The following MACROD2 variants were observed in gnomAD, a reference collection of about 807,000 sequenced individuals.
MACROD2 encodes the protein ADP-ribose glycohydrolase MACROD2.
In MACROD2, 36 loss-of-function variants were observed where a neutral mutation model predicts 70.4. The observed-to-expected ratio is 0.51, with a 90% CI of 0.39 to 0.68. MACROD2 has a LOEUF of 0.68. Ranked by LOEUF, MACROD2 falls within the 30% of genes least tolerant of loss-of-function variation. The probability of loss-of-function intolerance (pLI) is 0.00; values close to 1 mark genes in which losing one functional copy is unlikely to be tolerated. For missense variants in MACROD2, 496 were observed against 538.4 expected, an observed-to-expected ratio of 0.92 and a Z score of 0.78; for synonymous variants, 172 against 178.8, an observed-to-expected ratio of 0.96 and a Z score of 0.30.
intron 5 of MACROD2, among the ~76,000 whole-genome samples, chr20:14,947,114 G>C (rs1434258372): frequency 6.6e-6 from 1 of 152,116 alleles, no homozygotes; most frequent in Non-Finnish European, 1.5e-5. Flanking sequence ...CTGAGAATAC[G>C]GCATATCTTA....
At chr20:14,322,574 A>G (rs958151008) in intron 3 of MACROD2, among the ~76,000 whole-genome samples, 1 of 152,144 alleles carries the variant, frequency 6.6e-6, no homozygotes, top group African/African-American at 2.4e-5. Context: ...TGTTAATCAC[A>G]TTCATCTTTT....
At chr20:15,323,073 G>C (rs1200357467) in intron 6 of MACROD2, among the ~76,000 whole-genome samples, 10 of 104,048 alleles carry the variant, frequency 9.6e-5, no homozygotes, top group Admixed American at 1.9e-4. Context: ...AATGCTGTAT[G>C]TTGATGTTGA....
At chr20:14,230,144 G>A (rs780863047) in intron 3 of MACROD2, among the ~76,000 whole-genome samples, 6 of 152,276 alleles carry the variant, frequency 3.9e-5, no homozygotes, top group Non-Finnish European at 4.4e-5. Context: ...CAGGGTGATG[G>A]TTGCTGAAGG....
Position 14,508,853 on chromosome 20 carries a change from T to C in MACROD2, c.301+15345T>C, listed in dbSNP as rs1184913948. Among the ~76,000 whole-genome samples, 4 of 152,312 alleles carry C rather than the reference T, an allele frequency of 2.6e-5. No individual in the cohort carries two copies. The East Asian group carries it at 5.8e-4, about 22-fold the overall frequency. ...ACATTTTACTATATTTGTCCTATCT[T>C]GTATCTATCCATGTAGCCACCTATT... On this transcript the variant is annotated intron_variant, in intron 4 of 17. Transcript: ENST00000684519.
At chr20:15,964,798 G>C (rs1476424598) in intron 12 of MACROD2, among the ~76,000 whole-genome samples, 1 of 152,158 alleles carries the variant, frequency 6.6e-6, no homozygotes, top group African/African-American at 2.4e-5. Context: ...TATTAATAAA[G>C]TAACTTTCGT....
intron 8 of MACROD2, among the ~76,000 whole-genome samples, chr20:15,692,016 A>G (rs2050305092): frequency 6.6e-6 from 1 of 152,174 alleles, no homozygotes; most frequent in Admixed American, 6.5e-5. Flanking sequence ...AGACACTCTA[A>G]TTATAATTGG....
chr20:14,610,329 A>G (rs1600452307), intron 4 of MACROD2, among the ~76,000 whole-genome samples: 1 of 152,258 alleles, frequency 6.6e-6, no homozygotes, highest in African/African-American at 2.4e-5. Flanking sequence ...TTAAAGCATA[A>G]AGTAGCATGG....
At chr20:15,796,385 C>CA (rs1437249264) in intron 8 of MACROD2, among the ~76,000 whole-genome samples, 2 of 152,250 alleles carry the variant, frequency 1.3e-5, no homozygotes, top group Middle Eastern at 3.2e-3. Context: ...CACACACACA[C>CA]AAATTTTAGA....
chr20:15,727,232 C>A (rs1376866345), intron 8 of MACROD2, among the ~76,000 whole-genome samples: 1 of 151,718 alleles, frequency 6.6e-6, no homozygotes, highest in Admixed American at 6.6e-5. Flanking sequence ...TTTAACTTAA[C>A]AAAAACAGAT....
intron 6 of MACROD2, among the ~76,000 whole-genome samples, chr20:15,241,762 C>CA (rs200361392): frequency 0.17 from 15,607 of 92,422 alleles, 969 homozygotes; most frequent in African/African-American, 0.2. Context: ...GTATTTCTCT[C>CA]AAAAAAAAAA....
At chr20:14,739,122 G>A (rs1273678819) in intron 5 of MACROD2, among the ~76,000 whole-genome samples, 2 of 151,922 alleles carry the variant, frequency 1.3e-5, no homozygotes, top group Admixed American at 6.6e-5. Flanking sequence ...AATTGGTATA[G>A]CATTTGGAGG....
intron 4 of MACROD2, among the ~76,000 whole-genome samples, chr20:14,501,254 G>C (rs1462447597): frequency 6.6e-6 from 1 of 152,074 alleles, no homozygotes; most frequent in East Asian, 1.9e-4. Context: ...ATGAAATACA[G>C]AGAATTTACA....
chr20:15,158,648 G>A (rs943013652), intron 5 of MACROD2, among the ~76,000 whole-genome samples: 1 of 152,054 alleles, frequency 6.6e-6, no homozygotes, highest in Non-Finnish European at 1.5e-5. Flanking sequence ...AGATGTCCTT[G>A]GCCCTTTGTC....
At chr20:15,353,618 AATATC>A (rs1207981974) in intron 6 of MACROD2, among the ~76,000 whole-genome samples, 1 of 151,802 alleles carries the variant, frequency 6.6e-6, no homozygotes, top group Admixed American at 6.6e-5. Context: ...ACAAAGGGCT[AATATC>A]CAGAATCTAC....
intron 5 of MACROD2, among the ~76,000 whole-genome samples, chr20:14,946,926 G>A (rs949584569): frequency 1.3e-5 from 2 of 152,158 alleles, no homozygotes; most frequent in Admixed American, 6.5e-5. Flanking sequence ...ATGCATGTGA[G>A]GTGTATGTGT....
At chr20:14,386,618 C>A (rs909968973) in intron 3 of MACROD2, among the ~76,000 whole-genome samples, 1 of 151,126 alleles carries the variant, frequency 6.6e-6, no homozygotes, top group Non-Finnish European at 1.5e-5. Context: ...CTCTCTTGCT[C>A]GCTTCTGCTT....
At chr20:14,078,202 G>A (rs1279194231) in intron 2 of MACROD2, among the ~76,000 whole-genome samples, 4 of 150,012 alleles carry the variant, frequency 2.7e-5, no homozygotes, top group Non-Finnish European at 5.9e-5. Context: ...GTGCCCGGCC[G>A]CCTCTTTACC....
chr20:15,633,650 A>G (rs2049323622), intron 8 of MACROD2, among the ~76,000 whole-genome samples: 1 of 152,120 alleles, frequency 6.6e-6, no homozygotes, highest in Admixed American at 6.5e-5. Flanking sequence ...GGTTGCTATT[A>G]ATAATCAACA....
chr20:14,233,881 T>G (rs1382617941), intron 3 of MACROD2, among the ~76,000 whole-genome samples: 1 of 151,890 alleles, frequency 6.6e-6, no homozygotes, highest in African/African-American at 2.4e-5. Flanking sequence ...AATAAAAAGA[T>G]CAGTGGTTGA....
Sources: allele counts gnomAD v4.1 joint callset (sites outside exome capture counted in the v4.1 genomes callset), GRCh38; gene constraint gnomAD v4.1.1; transcripts MANE v1.5; gene names NCBI Gene and HGNC (gene_info 2026-07-23, HGNC 2026-07-21).